Variants in HSPG2 observed in about 807,000 individuals in gnomAD.
HSPG2 encodes the protein basement membrane-specific heparan sulfate proteoglycan core protein.
In HSPG2, 278 loss-of-function variants were observed where a neutral mutation model predicts 526.6. The observed-to-expected ratio is 0.53, with a 90% CI of 0.48 to 0.58. HSPG2 has a LOEUF of 0.58. Ranked by LOEUF, HSPG2 falls within the 20% of genes least tolerant of loss-of-function variation. The pLI, the probability that HSPG2 is intolerant of heterozygous loss-of-function variation, is 0.00. For missense variants in HSPG2, 5,354 were observed against 6,099.5 expected (o/e 0.88, Z 4.07); for synonymous variants, 2,465 against 2,555.4 (o/e 0.96, Z 1.07).
intron 85 of HSPG2, 116 bp from the exon 86 acceptor site, chr1:21,830,207 C>T: frequency 1.2e-6 from 1 of 849,768 alleles, no homozygotes; most frequent in South Asian, 1.5e-5. Context: ...AGGGCCAGGC[C>T]AGCCTCCTGG....
intron 1 of HSPG2, among the ~76,000 whole-genome samples, chr1:21,900,445 C>A (rs1057063650): frequency 6.6e-5 from 10 of 152,172 alleles, no homozygotes; most frequent in African/African-American, 2.4e-4. Context: ...TGTCCAGGCC[C>A]TCCTGGTGAG....
chr1:21,905,260 C>T (rs534825891), intron 1 of HSPG2, among the ~76,000 whole-genome samples: 143 of 135,124 alleles, frequency 1.1e-3, no homozygotes, highest in African/African-American at 3.6e-3. Flanking sequence ...CCCACACACA[C>T]CCACACACAC....
chr1:21,828,701 G>T lies in HSPG2; in HGVS notation c.12237+134C>A. The T allele has an allele frequency of 1.6e-6, 2 of 1,285,662 alleles. No homozygotes were observed. The highest frequency in any genetic ancestry group is 2.2e-6 in the Non-Finnish European group (2 of 917,888). 79.6% of individuals were successfully genotyped at this position (1,285,662 alleles called of 1,614,324 possible). ...CAGAGGAGGAAACTGAGGCTCAGAGGTACAGTGTCCTGGCCCAGGGCCCGT... is the reference window on the plus strand; with the variant it reads ...CAGAGGAGGAAACTGAGGCTCAGAGTTACAGTGTCCTGGCCCAGGGCCCGT... On this transcript the variant is annotated intron_variant, in intron 88 of 96. Transcript: ENST00000374695. The surrounding 1 kb of genome is among the most constrained non-coding windows in gnomAD (Gnocchi z 6.0).
intron 1 of HSPG2, among the ~76,000 whole-genome samples, chr1:21,915,737 G>T (rs1452657675): frequency 6.6e-6 from 1 of 152,220 alleles, no homozygotes; most frequent in Non-Finnish European, 1.5e-5. Flanking sequence ...CGCTTCAAAT[G>T]AGGCTAGTAC....
At position 21,847,308 on chromosome 1, in the gene HSPG2, G is replaced by T; in HGVS notation, c.8164+46C>A. ...GACCTGAAAGTTCCTTCTCCCCAGG[G>T]AACACTGTTGCCTGCATCCCTCGTC... On this transcript the variant is annotated intron_variant, in intron 62 of 96. Transcript: ENST00000374695. The surrounding 1 kb of genome is among the most constrained non-coding windows in gnomAD (Gnocchi z 4.1). 6.2e-7 allele frequency: 1 copy of T among 1,609,624 alleles called. No homozygotes were observed. The highest frequency in any genetic ancestry group is 1.1e-5 in the South Asian group (1 of 91,008).
chr1:21,920,978 G>A (rs896840062), intron 1 of HSPG2, among the ~76,000 whole-genome samples: 5 of 152,090 alleles, frequency 3.3e-5, no homozygotes, highest in East Asian at 1.9e-4. Context: ...CATCCCCAAC[G>A]GCCATTGTCA....
intron 33 of HSPG2, among the ~76,000 whole-genome samples, chr1:21,866,872 C>G (rs1640268360): frequency 6.6e-6 from 1 of 152,136 alleles, no homozygotes; most frequent in South Asian, 2.1e-4. Flanking sequence ...CGGCCCTGGG[C>G]TACATGGCTA....
rs1221867389 is a variant in HSPG2 at position 21,904,487 on chromosome 1, C to A, written c.64-8177G>T. Among the ~76,000 whole-genome samples the A allele has an allele frequency of 1.3e-5, 2 of 152,158 alleles. No individual in the cohort carries two copies. Among genetic ancestry groups the A allele is most frequent in the Non-Finnish European group, 2.9e-5 (2 of 68,018 alleles). On this transcript the variant is annotated intron_variant, in intron 1 of 96. Transcript: ENST00000374695. The surrounding 1 kb of genome is among the most constrained non-coding windows in gnomAD (Gnocchi z 4.4). ...AAAGGGCCGCCCCTCAGTTGTGCTG[C>A]TGACCCGGTGCTAGTCACAGAGGCC...
At chr1:21,908,432 A>G (rs1643495966) in intron 1 of HSPG2, 7 of 863,068 alleles carry the variant, frequency 8.1e-6, no homozygotes, top group South Asian at 8.0e-5. Context: ...GTGAAGGAGA[A>G]TGATCAGAAA....
intron 9 of HSPG2, 68 bp from the exon 10 acceptor site, chr1:21,885,519 ACT>A: frequency 1.3e-6 from 2 of 1,578,770 alleles, no homozygotes; most frequent in Non-Finnish European, 8.7e-7. Context: ...CCCCAGGGCC[ACT>A]CTCTCATCTT....
chr1:21,876,098 G>T, intron 23 of HSPG2, 56 bp from the exon 24 acceptor site: 2 of 1,598,180 alleles, frequency 1.3e-6, no homozygotes, highest in Non-Finnish European at 1.7e-6. Context: ...CCCTGTCACT[G>T]CTCCAGCCAC....
rs574964424 is a variant in HSPG2, at chr1:21,904,920, C to A, written c.64-8610G>T. Among the ~76,000 whole-genome samples the A allele has an allele frequency of 6.6e-6, 1 of 152,194 alleles. No homozygotes were observed. Among genetic ancestry groups the A allele is most frequent in the Non-Finnish European group, 1.5e-5 (1 of 68,034 alleles). On this transcript the variant is annotated intron_variant, in intron 1 of 96. Coordinates refer to ENST00000374695, the MANE Select transcript of HSPG2 (RefSeq NM_005529.7). The surrounding 1 kb of genome is among the most constrained non-coding windows in gnomAD (Gnocchi z 4.4). ...ACCAACCTGGTTGGGCCTGCCCATACCCTCCTGGGTCACTGCCCACAGATT... is the reference window on the plus strand; with the variant it reads ...ACCAACCTGGTTGGGCCTGCCCATAACCTCCTGGGTCACTGCCCACAGATT...
In HSPG2 at chr1:21,880,821, G is replaced by A. The variant is rs749006496; in HGVS notation, c.1833C>T (p.Gly611=). 1.1e-5 allele frequency: 17 copies of A among 1,593,722 alleles called. No homozygotes were observed. Among genetic ancestry groups the A allele is most frequent in the Middle Eastern group, 2.1e-4 (1 of 4,824 alleles). The change falls in exon 15 of 97, where the codon GGC becomes GGT. Residue 611 remains glycine, a synonymous_variant. Transcript: ENST00000374695. ...QFLGNKVDSY[G]GSLRYNVRYE... ...AGCGCACGTTGTAACGCAGGGAGCC[G>A]CCATAGGAGTCCACCTGGCACAACA...
At chr1:21,867,247 TG>T (rs1640314090) in intron 33 of HSPG2, among the ~76,000 whole-genome samples, 1 of 151,738 alleles carries the variant, frequency 6.6e-6, no homozygotes, top group Non-Finnish European at 1.5e-5. Context: ...TGAGCCACCA[TG>T]CCCGGCCGAT....
intron 2 of HSPG2, 103 bp downstream of exon 2, chr1:21,896,072 A>G (rs1642723035): frequency 6.2e-7 from 1 of 1,601,814 alleles, no homozygotes; most frequent in South Asian, 1.1e-5. Flanking sequence ...GACAGGGTTG[A>G]GAAAGCTCGG....
At position 21,875,388 on chromosome 1, in the gene HSPG2, C is replaced by G. The variant is rs369359509; in HGVS notation, c.3302+241G>C. On this transcript the variant is annotated intron_variant, in intron 25 of 96. Transcript: ENST00000374695. The stretch of plus-strand genomic sequence containing the variant: ...CATATCCCTGCATGGCCCCTCCCCC[C>G]TCCTGCGTCCCTCTCCTTGTGAATC... Among the ~76,000 whole-genome samples the G allele has an allele frequency of 1.2e-3, 181 of 152,236 alleles. 1 individual carries two copies. The highest frequency in any genetic ancestry group is 1.8e-3 in the Non-Finnish European group (123 of 68,000).
At chr1:21,862,337 A>C (rs1334331624) in intron 37 of HSPG2, among the ~76,000 whole-genome samples, 4 of 152,172 alleles carry the variant, frequency 2.6e-5, no homozygotes, top group Non-Finnish European at 2.9e-5. Context: ...TAATCCCAGC[A>C]CTCTGGGAGG....
chr1:21,855,704 A>G, intron 45 of HSPG2, 29 bp from the exon 46 acceptor site: 1 of 1,588,662 alleles, frequency 6.3e-7, no homozygotes, highest in Non-Finnish European at 8.6e-7. Context: ...GTCAGCACCC[A>G]CCAAGCCTGC....
At chr1:21,906,549 C>T (rs560446200) in intron 1 of HSPG2, among the ~76,000 whole-genome samples, 57 of 152,288 alleles carry the variant, frequency 3.7e-4, no homozygotes, top group Non-Finnish European at 7.5e-4. Flanking sequence ...GAAATCAGAG[C>T]AAGGGGTCCT....
Sources: gnomAD v4.1 joint callset for allele counts (sites outside exome capture counted in the v4.1 genomes callset) on GRCh38, gnomAD v4.1.1 for gene constraint, Gnocchi (gnomAD v3.1) non-coding constraint, MANE v1.5 for transcripts, NCBI Gene and HGNC (gene_info 2026-07-23, HGNC 2026-07-21) for gene names.